PANK2: variants seen among roughly 807,000 people sequenced by gnomAD.
PANK2 encodes pantothenate kinase 2, mitochondrial.
PANK2 carries 36 observed loss-of-function variants against 43.1 expected under a neutral mutation model. The ratio of observed to expected loss-of-function variants is 0.84; its 90% CI spans 0.64 to 1.10. PANK2 has a LOEUF of 1.10. Ranked by LOEUF, PANK2 falls within the 50% of genes least tolerant of loss-of-function variation. The pLI is 0.00. For missense variants in PANK2, 576 were observed against 593.3 expected, an observed-to-expected ratio of 0.97 and a Z score of 0.30; for synonymous variants, 281 against 238.2, an observed-to-expected ratio of 1.18 and a Z score of -1.66.
At position 3,910,840 on chromosome 20, in the gene PANK2, A is replaced by T. The variant is rs371962199; in HGVS notation, c.905+10A>T. ...GGGTCACAGGTACTAGGTAAGTTGT[A>T]TATAAAACTCACTGTTTATTCTTAG... On this transcript the variant is annotated intron_variant, in intron 3 of 6. Transcript: ENST00000610179. 29 of 1,613,966 alleles carry T rather than the reference A, an allele frequency of 1.8e-5. No homozygotes were observed. The highest frequency in any genetic ancestry group is 2.5e-5 in the Non-Finnish European group (29 of 1,179,972).
Position 3,910,614 on chromosome 20 carries a change from ATTGC to A in PANK2, c.693_696del (p.Cys231Ter). On this transcript the variant is annotated frameshift_variant, in exon 3 of 7. Coordinates refer to ENST00000610179, the MANE Select transcript of PANK2 (RefSeq NM_001386393.1). LOFTEE classifies it high-confidence loss of function. Reference sequence around the variant, plus strand: ...CAGCTTTGCAAACTGGATGAACTAGATTGCTTGATCAAAGGAATTTTATACATTG... The same window carrying A: ...CAGCTTTGCAAACTGGATGAACTAGATTGATCAAAGGAATTTTATACATTG... 6.2e-7 allele frequency: 1 copy of A among 1,614,058 alleles called. No individual in the cohort carries two copies. The highest frequency in any genetic ancestry group is 2.2e-5 in the East Asian group (1 of 44,866).
chr20:3,916,481 G>C (rs2090561580), intron 4 of PANK2, among the ~76,000 whole-genome samples: 1 of 152,194 alleles, frequency 6.6e-6, no homozygotes, highest in African/African-American at 2.4e-5. Context: ...TTCTTAAGCA[G>C]CTCACTCTGG....
At chr20:3,909,651 G>GT (rs2090437747) in intron 2 of PANK2, among the ~76,000 whole-genome samples, 1 of 152,080 alleles carries the variant, frequency 6.6e-6, no homozygotes, top group Non-Finnish European at 1.5e-5. Flanking sequence ...GTGCAGTGGT[G>GT]CCATCTCAGC....
intron 4 of PANK2, among the ~76,000 whole-genome samples, chr20:3,915,975 A>C (rs1487022907): frequency 6.6e-6 from 1 of 152,190 alleles, no homozygotes; most frequent in Non-Finnish European, 1.5e-5. Flanking sequence ...GAGAATATGA[A>C]TTGTAGGGTT....
Position 3,908,132 on chromosome 20 carries a change from A to AGCGTAT in PANK2, c.505_506insGCGTAT (p.Lys169delinsSerValTer). The stretch of plus-strand genomic sequence containing the variant: ...GAAGGACCTGACTCTGTGTGGACGC[A>AGCGTAT]AAGGCAATCTGCACTTTATACGCTT... On this transcript the variant is annotated stop_gained and protein_altering_variant, in exon 2 of 7. Coordinates refer to ENST00000610179, the MANE Select transcript of PANK2 (RefSeq NM_001386393.1). LOFTEE classifies it high-confidence loss of function. 3 of 1,614,194 alleles carry AGCGTAT rather than the reference A, an allele frequency of 1.9e-6. No homozygotes were observed.
intron 4 of PANK2, among the ~76,000 whole-genome samples, chr20:3,913,954 AT>A (rs779164012): frequency 1.3e-4 from 20 of 150,916 alleles, no homozygotes; most frequent in Non-Finnish European, 2.1e-4. Context: ...ACGCCCGGCT[AT>A]TTTTTTTGTA....
rs1396969889 is a variant in PANK2, at chr20:3,926,364, C to G, written c.*3070C>G. On this transcript the variant is annotated 3_prime_UTR_variant, in exon 7 of 7. Coordinates refer to ENST00000610179, the MANE Select transcript of PANK2 (RefSeq NM_001386393.1). ...AAACGACTGCTCAGGGAGAGGCTGG[C>G]CAGGGGCCTGTGGCTCAGGGGACTG... is the stretch of plus-strand genomic sequence containing the variant. 6.6e-6 allele frequency: 1 copy of G among 152,204 alleles called. No homozygotes were observed. Among genetic ancestry groups the G allele is most frequent in the African/African-American group, 2.4e-5 (1 of 41,394 alleles). 9.4% of individuals were successfully genotyped at this position (152,204 alleles called of 1,614,324 possible).
At position 3,928,642 on chromosome 20, in the gene PANK2, AG is replaced by A. The variant is rs1276253240; in HGVS notation, c.*5349del. ...CGTGGTGGCGGGCACCTGTTGTCCCAGCTCCCGAGGCGGGAGAATGGCGTGA... is the reference window on the plus strand; with the variant it reads ...CGTGGTGGCGGGCACCTGTTGTCCCACTCCCGAGGCGGGAGAATGGCGTGA... On this transcript the variant is annotated 3_prime_UTR_variant, in exon 7 of 7. Coordinates refer to ENST00000610179, the MANE Select transcript of PANK2 (RefSeq NM_001386393.1). The A allele has an allele frequency of 6.8e-6, 1 of 147,268 alleles. No individual in the cohort carries two copies. Among genetic ancestry groups the A allele is most frequent in the Non-Finnish European group, 1.5e-5 (1 of 66,968 alleles). The allele number at this position is 147,268 out of a possible 1,614,324, so 9.1% of individuals were successfully genotyped here.
intron 6 of PANK2, among the ~76,000 whole-genome samples, chr20:3,919,386 T>C (rs1020181779): frequency 6.6e-6 from 1 of 152,256 alleles, no homozygotes; most frequent in African/African-American, 2.4e-5. Flanking sequence ...CTATATTTTT[T>C]CTATTGCACT....
chr20:3,915,277 A>G (rs531243641), intron 4 of PANK2, among the ~76,000 whole-genome samples: 1 of 152,022 alleles, frequency 6.6e-6, no homozygotes, highest in African/African-American at 2.4e-5. Flanking sequence ...GCTCATATAT[A>G]TATATGTGTG....
chr20:3,892,963 A>G lies in PANK2; in HGVS notation c.298+3235A>G, dbSNP rs147334714. 1.6e-3 allele frequency among the ~76,000 whole-genome samples: 248 copies of G among 152,246 alleles called. 1 individual carries two copies. The highest frequency in any genetic ancestry group is 5.8e-3 in the African/African-American group (242 of 41,546). ...AGGTGGGGAGGGGGGTATGTCTCGCAGGGCTGAAAGAAATACCAAATAAAG... is the reference window on the plus strand; with the variant it reads ...AGGTGGGGAGGGGGGTATGTCTCGCGGGGCTGAAAGAAATACCAAATAAAG... On this transcript the variant is annotated intron_variant, in intron 1 of 6. Transcript: ENST00000610179.
rs1175244486 is a variant in PANK2 at position 3,913,788 on chromosome 20, ATATTTTTT to A, written c.1082+1156_1082+1163del. On this transcript the variant is annotated intron_variant, in intron 4 of 6. Coordinates refer to ENST00000610179, the MANE Select transcript of PANK2 (RefSeq NM_001386393.1). ...CACACACACACACATATATATATATATATTTTTTTTTTTTTTTTGAGACGGAGTCTTGG... is the reference window on the plus strand; with the variant it reads ...CACACACACACACATATATATATATATTTTTTTTTTGAGACGGAGTCTTGG... Among the ~76,000 whole-genome samples the A allele has an allele frequency of 2.0e-4, 27 of 132,832 alleles. No individual in the cohort carries two copies. In the South Asian group the frequency reaches 2.3e-3, roughly 11 times the overall value. The allele number at this position is 132,832 out of a possible 152,430, so 87.1% of individuals were successfully genotyped here. A position where few individuals can be genotyped will look rare whatever the true frequency, so the allele number is the denominator to read the frequency against.
chr20:3,889,221 TC>T, upstream of PANK2: 4 of 1,611,966 alleles, frequency 2.5e-6, no homozygotes, highest in Non-Finnish European at 3.4e-6. Context: ...CACCACCCTC[TC>T]CCCGCCCCGT....
chr20:3,925,898 G>T lies in PANK2; in HGVS notation c.*2604G>T, dbSNP rs928179658. ...CGTCTCACCACCTTCAGGTTGTGAG[G>T]TGCCCATAAACTCTGCTGTTACCAT... is the stretch of plus-strand genomic sequence containing the variant. On this transcript the variant is annotated 3_prime_UTR_variant, in exon 7 of 7. Transcript: ENST00000610179. 6.6e-6 allele frequency: 1 copy of T among 152,334 alleles called. No individual in the cohort carries two copies. Among genetic ancestry groups the T allele is most frequent in the African/African-American group, 2.4e-5 (1 of 41,428 alleles). The allele number at this position is 152,334 out of a possible 1,614,324, so 9.4% of individuals were successfully genotyped here.
At chr20:3,890,450 T>C (rs923547094) in intron 1 of PANK2, among the ~76,000 whole-genome samples, 12 of 152,222 alleles carry the variant, frequency 7.9e-5, no homozygotes, top group African/African-American at 2.7e-4. Flanking sequence ...TTCCCCATTT[T>C]ATTAGGTTTC....
At chr20:3,921,867 C>T (rs2090652511) in intron 6 of PANK2, 1 of 152,180 alleles carries the variant, frequency 6.6e-6, no homozygotes. Context: ...CGTGCCACCG[C>T]ACCTGGCTAA....
intron 4 of PANK2, among the ~76,000 whole-genome samples, chr20:3,915,433 G>A (rs1049238493): frequency 2.6e-5 from 4 of 152,022 alleles, no homozygotes; most frequent in South Asian, 4.2e-4. Flanking sequence ...TGAGTAGCTG[G>A]GACTACAGTG....
chr20:3,910,942 A>G (rs967310216), intron 3 of PANK2, 112 bp downstream of exon 3: 12 of 1,332,394 alleles, frequency 9.0e-6, no homozygotes, highest in Middle Eastern at 3.9e-4. Flanking sequence ...GTGTTTCTGG[A>G]TTATGCAAAC....
chr20:3,920,361 C>T (rs2090627029), intron 6 of PANK2, among the ~76,000 whole-genome samples: 1 of 151,858 alleles, frequency 6.6e-6, no homozygotes, highest in Non-Finnish European at 1.5e-5. Flanking sequence ...ACTAAAAATA[C>T]AAAAATTAGC....
Sources: allele counts gnomAD v4.1 joint callset (sites outside exome capture counted in the v4.1 genomes callset), GRCh38; gene constraint gnomAD v4.1.1; transcripts MANE v1.5; gene names NCBI Gene and HGNC (gene_info 2026-07-23, HGNC 2026-07-21).